Variants in VPS13B observed in about 807,000 individuals in gnomAD.
VPS13B encodes the protein vacuolar protein sorting 13 homolog B, also known as intermembrane lipid transfer protein VPS13B.
VPS13B carries 285 observed loss-of-function variants against 426.4 expected under a neutral mutation model. The ratio of observed to expected loss-of-function variants is 0.67; its 90% CI spans 0.61 to 0.74. The LOEUF (loss-of-function observed/expected upper bound fraction) is 0.74. VPS13B is among the 30% of genes least tolerant of loss of function. The pLI is 0.00. For missense variants in VPS13B, 4,537 were observed against 4,782.6 expected (o/e 0.95, Z 1.51); for synonymous variants, 1,676 against 1,676.4 (o/e 1.00, Z 0.01).
chr8:99,474,282 AG>A (rs1819577686), intron 24 of VPS13B, among the ~76,000 whole-genome samples: 1 of 147,926 alleles, frequency 6.8e-6, no homozygotes, highest in Non-Finnish European at 1.5e-5. Context: ...TCCTCCTCGC[AG>A]GTTCAAGCGA....
intron 3 of VPS13B, among the ~76,000 whole-genome samples, chr8:99,041,116 G>C (rs1451095821): frequency 6.6e-6 from 1 of 152,086 alleles, no homozygotes; most frequent in African/African-American, 2.4e-5. Flanking sequence ...GAGATTTTTA[G>C]GATGACAGGG....
At chr8:99,583,687 G>A (rs1826180884) in intron 33 of VPS13B, among the ~76,000 whole-genome samples, 1 of 152,164 alleles carries the variant, frequency 6.6e-6, no homozygotes, top group Non-Finnish European at 1.5e-5. Flanking sequence ...TGAAGGTAAA[G>A]AAGAAGGAAA....
At chr8:99,653,511 G>A (rs962544701) in intron 34 of VPS13B, among the ~76,000 whole-genome samples, 11 of 146,072 alleles carry the variant, frequency 7.5e-5, no homozygotes, top group Non-Finnish European at 1.5e-4. Context: ...GCTTACTTGT[G>A]CTGAATTTTA....
At chr8:99,428,677 T>C (rs555960304) in intron 21 of VPS13B, among the ~76,000 whole-genome samples, 1 of 152,264 alleles carries the variant, frequency 6.6e-6, no homozygotes, top group South Asian at 2.1e-4. Flanking sequence ...TTTTACACTG[T>C]TGGTGGGAGT....
intron 2 of VPS13B, among the ~76,000 whole-genome samples, chr8:99,030,943 A>G (rs750687533): frequency 5.9e-5 from 9 of 152,126 alleles, no homozygotes; most frequent in Non-Finnish European, 1.3e-4. Flanking sequence ...TCAGTATTTG[A>G]TATTAGAAGT....
At chr8:99,545,235 C>T (rs910054234) in intron 30 of VPS13B, among the ~76,000 whole-genome samples, 1 of 152,042 alleles carries the variant, frequency 6.6e-6, no homozygotes. Context: ...TGGAGATTTA[C>T]GTTTTTAATT....
chr8:99,739,385 C>T (rs1833973965), intron 39 of VPS13B, among the ~76,000 whole-genome samples: 2 of 152,362 alleles, frequency 1.3e-5, no homozygotes, highest in African/African-American at 4.8e-5. Context: ...TCTGTAGACT[C>T]CACCTCTGGG....
intron 3 of VPS13B, among the ~76,000 whole-genome samples, chr8:99,049,368 A>T (rs1843404136): frequency 6.8e-6 from 1 of 146,450 alleles, no homozygotes; most frequent in East Asian, 2.0e-4. Context: ...GTGGCAAATT[A>T]TCTCAGTATT....
At chr8:99,459,881 G>A (rs542955315) in intron 23 of VPS13B, among the ~76,000 whole-genome samples, 1 of 152,014 alleles carries the variant, frequency 6.6e-6, no homozygotes, top group African/African-American at 2.4e-5. Flanking sequence ...AATATTTCTT[G>A]TCTTAAATCA....
chr8:99,640,007 T>TAAGAAGAAG (rs1212185455), intron 33 of VPS13B, among the ~76,000 whole-genome samples: 14 of 76,250 alleles, frequency 1.8e-4, no homozygotes, highest in African/African-American at 5.5e-4. Context: ...ATAATAATAA[T>TAAGAAGAAG]AATAATAATA....
intron 40 of VPS13B, among the ~76,000 whole-genome samples, chr8:99,768,896 T>C (rs754299658): frequency 6.6e-6 from 1 of 152,336 alleles, no homozygotes; most frequent in Middle Eastern, 3.4e-3. Flanking sequence ...GATAACTAAA[T>C]TGATTTTTTT....
At chr8:99,842,747 A>T (rs1390856255) in intron 54 of VPS13B, among the ~76,000 whole-genome samples, 1 of 152,242 alleles carries the variant, frequency 6.6e-6, no homozygotes, top group African/African-American at 2.4e-5. Flanking sequence ...AACTGAGTAC[A>T]TAGAAAAGCA....
At chr8:99,028,741 G>A (rs1428157824) in intron 2 of VPS13B, among the ~76,000 whole-genome samples, 1 of 144,546 alleles carries the variant, frequency 6.9e-6, no homozygotes, top group Non-Finnish European at 1.5e-5. Flanking sequence ...CCTCCCTCCT[G>A]GACGGGGCAA....
At chr8:99,490,190 T>G (rs758765785) in intron 25 of VPS13B, among the ~76,000 whole-genome samples, 1 of 152,210 alleles carries the variant, frequency 6.6e-6, no homozygotes, top group Non-Finnish European at 1.5e-5. Flanking sequence ...TCTGTTTATG[T>G]GATGGAATAT....
rs770580968 is a variant in VPS13B at position 99,717,160 on chromosome 8, T to G, written c.6455-11T>G. 5 of 1,606,648 alleles carry G rather than the reference T, an allele frequency of 3.1e-6. No individual in the cohort carries two copies. Among genetic ancestry groups the G allele is most frequent in the South Asian group, 1.1e-5 (1 of 90,906 alleles). On this transcript the variant is annotated splice_polypyrimidine_tract_variant and intron_variant, in intron 36 of 61. Coordinates refer to ENST00000357162, the MANE Select transcript of VPS13B (RefSeq NM_152564.5). ...GGATGAATTATATACTCTTCTGTATTTTTTTTTCAGGCATAATTCTTGGGT... is the reference window on the plus strand; with the variant it reads ...GGATGAATTATATACTCTTCTGTATGTTTTTTTCAGGCATAATTCTTGGGT...
At chr8:99,510,301 A>G (rs2133634586) in intron 28 of VPS13B, among the ~76,000 whole-genome samples, 1 of 152,282 alleles carries the variant, frequency 6.6e-6, no homozygotes, top group South Asian at 2.1e-4. Flanking sequence ...CATTTTCACA[A>G]ATGTTATATC....
At chr8:99,833,710 A>G (rs142914814) in intron 52 of VPS13B, among the ~76,000 whole-genome samples, 436 of 152,348 alleles carry the variant, frequency 2.9e-3, no homozygotes, top group Non-Finnish European at 5.3e-3. Context: ...CATTTTTTAA[A>G]AAACAAAATT....
intron 49 of VPS13B, 105 bp from the exon 50 acceptor site, chr8:99,821,189 C>A (rs1814350706): frequency 2.2e-5 from 20 of 920,080 alleles, no homozygotes; most frequent in East Asian, 4.3e-5. Flanking sequence ...ATTTGGTTAC[C>A]TTAGTAGACC....
chr8:99,172,551 AT>A (rs1466100396), intron 16 of VPS13B, among the ~76,000 whole-genome samples: 1 of 152,174 alleles, frequency 6.6e-6, no homozygotes, highest in Non-Finnish European at 1.5e-5. Context: ...TGATTTGAAC[AT>A]CTTTGATTGT....
Sources: gnomAD v4.1 joint callset for allele counts (sites outside exome capture counted in the v4.1 genomes callset) on GRCh38, gnomAD v4.1.1 for gene constraint, MANE v1.5 for transcripts, NCBI Gene and HGNC (gene_info 2026-07-23, HGNC 2026-07-21) for gene names.